Variants in CORIN observed in about 807,000 individuals in gnomAD.
The protein encoded by CORIN is atrial natriuretic peptide-converting enzyme.
Under a neutral mutation model 125.3 loss-of-function variants are expected in CORIN, and 117 were observed. The observed-to-expected ratio is 0.93, with a 90% CI of 0.80 to 1.09. The LOEUF is 1.09. Ranked by LOEUF, CORIN falls within the 50% of genes least tolerant of loss-of-function variation. The pLI is 0.00. For synonymous variants in CORIN, 450 were observed against 466.4 expected, an observed-to-expected ratio of 0.96 and a Z score of 0.45; for missense variants, 1,253 against 1,306.7, an observed-to-expected ratio of 0.96 and a Z score of 0.63.
chr4:47,632,836 G>C (rs1247244549), intron 16 of CORIN, among the ~76,000 whole-genome samples: 3 of 151,708 alleles, frequency 2.0e-5, no homozygotes, highest in Admixed American at 2.0e-4. Context: ...CTGGAGTGCA[G>C]TGGCGTGATC....
At chr4:47,749,738 T>C (rs1229844393) in intron 4 of CORIN, among the ~76,000 whole-genome samples, 2 of 152,240 alleles carry the variant, frequency 1.3e-5, no homozygotes, top group Non-Finnish European at 2.9e-5. Context: ...TTTGATGTTC[T>C]ATTCATTGAC....
intron 5 of CORIN, among the ~76,000 whole-genome samples, chr4:47,717,762 CT>C (rs1277252779): frequency 1.3e-5 from 2 of 152,076 alleles, no homozygotes; most frequent in Non-Finnish European, 2.9e-5. Flanking sequence ...AGAAAAGTAT[CT>C]GTATTACATT....
At chr4:47,622,738 G>A (rs1253417725) in intron 19 of CORIN, among the ~76,000 whole-genome samples, 2 of 152,158 alleles carry the variant, frequency 1.3e-5, no homozygotes, top group African/African-American at 4.8e-5. Flanking sequence ...AAGGAATTCT[G>A]CCAGCAGATT....
At chr4:47,647,489 G>A (rs1723540809) in intron 13 of CORIN, among the ~76,000 whole-genome samples, 1 of 152,092 alleles carries the variant, frequency 6.6e-6, no homozygotes, top group Non-Finnish European at 1.5e-5. Context: ...GGGACAGAAG[G>A]CCGCCTAAAG....
chr4:47,733,594 C>A (rs1323302429), intron 5 of CORIN, among the ~76,000 whole-genome samples: 2 of 152,134 alleles, frequency 1.3e-5, no homozygotes, highest in Non-Finnish European at 2.9e-5. Flanking sequence ...CACAGAAATA[C>A]GATTTAAAAT....
At chr4:47,649,432 C>G (rs1452261300) in intron 13 of CORIN, among the ~76,000 whole-genome samples, 1 of 152,242 alleles carries the variant, frequency 6.6e-6, no homozygotes, top group Non-Finnish European at 1.5e-5. Context: ...AGACAGGACT[C>G]CTTCCCTCAA....
chr4:47,653,412 G>C, intron 13 of CORIN, 141 bp downstream of exon 13: 1 of 693,548 alleles, frequency 1.4e-6, no homozygotes, highest in East Asian at 2.7e-5. Flanking sequence ...ATGCCATACT[G>C]TTCAATAATT....
At chr4:47,652,636 C>A (rs1190064322) in intron 13 of CORIN, 6 of 152,202 alleles carry the variant, frequency 3.9e-5, no homozygotes, top group African/African-American at 1.4e-4. Flanking sequence ...ATAATGACAA[C>A]TAAGTCCACT....
chr4:47,799,148 T>C (rs1731424856), intron 2 of CORIN, among the ~76,000 whole-genome samples: 1 of 149,580 alleles, frequency 6.7e-6, no homozygotes, highest in African/African-American at 2.5e-5. Flanking sequence ...TGTGTGTGTA[T>C]GTCTCCCATG....
chr4:47,691,852 G>A (rs1027369419), intron 6 of CORIN, among the ~76,000 whole-genome samples: 1 of 152,032 alleles, frequency 6.6e-6, no homozygotes, highest in Admixed American at 6.6e-5. Flanking sequence ...CCATTCAGCA[G>A]GACAAAGGAG....
intron 6 of CORIN, among the ~76,000 whole-genome samples, chr4:47,684,373 G>C (rs1725420781): frequency 6.6e-6 from 1 of 152,238 alleles, no homozygotes; most frequent in Non-Finnish European, 1.5e-5. Context: ...ATGGTGGCAA[G>C]ATGAGAAGTG....
chr4:47,607,530 T>C (rs1175235593), intron 19 of CORIN, among the ~76,000 whole-genome samples: 1 of 152,122 alleles, frequency 6.6e-6, no homozygotes, highest in Non-Finnish European at 1.5e-5. Context: ...AAAAATAATG[T>C]CTCTTTTGAT....
At chr4:47,834,942 A>T (rs1340416431) in intron 1 of CORIN, among the ~76,000 whole-genome samples, 1 of 152,190 alleles carries the variant, frequency 6.6e-6, no homozygotes, top group African/African-American at 2.4e-5. Context: ...CAGCAAGATT[A>T]TTTGACTTGC....
chr4:47,611,171 TA>T (rs1721853250), intron 19 of CORIN, among the ~76,000 whole-genome samples: 1 of 152,236 alleles, frequency 6.6e-6, no homozygotes, highest in African/African-American at 2.4e-5. Context: ...ATTGAATCTA[TA>T]AATTACTTTG....
At chr4:47,783,429 G>T (rs1730639827) in intron 3 of CORIN, among the ~76,000 whole-genome samples, 1 of 151,916 alleles carries the variant, frequency 6.6e-6, no homozygotes, top group South Asian at 2.1e-4. Flanking sequence ...GGGTATTCTG[G>T]TTAAAGCTTT....
At chr4:47,647,278 G>A (rs1396628136) in intron 13 of CORIN, among the ~76,000 whole-genome samples, 1 of 152,112 alleles carries the variant, frequency 6.6e-6, no homozygotes, top group Non-Finnish European at 1.5e-5. Context: ...CAAGAAAGAG[G>A]ACTCAACACT....
intron 5 of CORIN, among the ~76,000 whole-genome samples, chr4:47,730,587 T>C (rs1394729058): frequency 6.6e-6 from 1 of 152,010 alleles, no homozygotes; most frequent in African/African-American, 2.4e-5. Context: ...TGCAGGCCTC[T>C]GCACCTGCCC....
At chr4:47,662,682 A>T (rs1008088429) in intron 11 of CORIN, among the ~76,000 whole-genome samples, 1 of 152,188 alleles carries the variant, frequency 6.6e-6, no homozygotes, top group Non-Finnish European at 1.5e-5. Context: ...AATGGACTCA[A>T]ATAAACTCTT....
chr4:47,675,081 G>C (rs916021656), intron 9 of CORIN, among the ~76,000 whole-genome samples: 24 of 152,186 alleles, frequency 1.6e-4, no homozygotes, highest in African/African-American at 5.3e-4. Flanking sequence ...TGAGAACTGG[G>C]TTTCTTGTTT....
Sources: gnomAD v4.1 joint callset for allele counts (sites outside exome capture counted in the v4.1 genomes callset) on GRCh38, gnomAD v4.1.1 for gene constraint, MANE v1.5 for transcripts, NCBI Gene and HGNC (gene_info 2026-07-23, HGNC 2026-07-21) for gene names.